The following NF1 variants were observed in gnomAD, a reference collection of about 807,000 sequenced individuals.
NF1 encodes the protein neurofibromin 1.
NF1 carries 122 observed loss-of-function variants against 325.7 expected under a neutral mutation model. The observed-to-expected ratio is 0.37, with a 90% CI of 0.32 to 0.44. NF1 has a LOEUF of 0.44. Among genes scored for constraint, NF1 ranks in the 20% least tolerant of loss-of-function variants. The pLI, the probability that NF1 is intolerant of heterozygous loss-of-function variation, is 1.00. For synonymous variants in NF1, 1,091 were observed against 1,186.0 expected (o/e 0.92, Z 1.65); for missense variants, 2,140 against 3,415.4 (o/e 0.63, Z 9.31).
intron 5 of NF1, among the ~76,000 whole-genome samples, chr17:31,174,191 TAAA>T (rs996037350): frequency 6.6e-6 from 1 of 152,182 alleles, no homozygotes; most frequent in Non-Finnish European, 1.5e-5. Flanking sequence ...ACAATAAACT[TAAA>T]GAAGAAGAAA....
chr17:31,208,123 G>T (rs975291300), intron 12 of NF1, among the ~76,000 whole-genome samples: 18 of 152,160 alleles, frequency 1.2e-4, no homozygotes, highest in Admixed American at 5.2e-4. Context: ...TTATTTTACC[G>T]AAAAGCCATA....
chr17:31,189,422 T>TA (rs2066300994), intron 8 of NF1, among the ~76,000 whole-genome samples: 1 of 152,214 alleles, frequency 6.6e-6, no homozygotes, highest in African/African-American at 2.4e-5. Flanking sequence ...TTTTGAAGTG[T>TA]AAAATTCAGC....
At chr17:31,235,503 T>C in intron 27 of NF1, 108 bp from the exon 28 acceptor site, 2 of 1,119,990 alleles carry the variant, frequency 1.8e-6, no homozygotes, top group South Asian at 1.2e-5. Flanking sequence ...TGCCTTAATT[T>C]AGCAAGTGGT....
intron 47 of NF1, 110 bp downstream of exon 47, chr17:31,340,755 A>G (rs974805494): frequency 8.9e-7 from 1 of 1,124,514 alleles, no homozygotes; most frequent in Non-Finnish European, 1.3e-6. Context: ...TTAAGTAGGA[A>G]TTTGTATAAT....
intron 2 of NF1, among the ~76,000 whole-genome samples, 185 bp downstream of exon 2, chr17:31,156,311 G>T (rs2065661844): frequency 6.6e-6 from 1 of 152,098 alleles, no homozygotes; most frequent in Non-Finnish European, 1.5e-5. Context: ...TTTTTAATCA[G>T]CTGGGTTTTA....
At chr17:31,104,414 G>T (rs1222003850) in intron 1 of NF1, among the ~76,000 whole-genome samples, 1 of 152,218 alleles carries the variant, frequency 6.6e-6, no homozygotes, top group Non-Finnish European at 1.5e-5. Flanking sequence ...TTAAGGAGGA[G>T]AATATTCTAT....
intron 38 of NF1, among the ~76,000 whole-genome samples, chr17:31,329,938 G>A (rs1233064291): frequency 6.6e-6 from 1 of 152,050 alleles, no homozygotes; most frequent in Admixed American, 6.6e-5. Flanking sequence ...AAAAATGTAT[G>A]GTGTGCCTTA....
chr17:31,354,411 G>A (rs1166132815), intron 51 of NF1, among the ~76,000 whole-genome samples: 1 of 152,176 alleles, frequency 6.6e-6, no homozygotes, highest in East Asian at 1.9e-4. Flanking sequence ...ATACATCATG[G>A]CATCATGGGG....
In NF1 at chr17:31,098,549, A is replaced by G. The variant is rs1911983972; in HGVS notation, c.60+3180A>G. ...CTGGATAACATTTGTTATTTTTAGT[A>G]GAGTGCTGAGATTACAGGCGTGAGC... is the stretch of plus-strand genomic sequence containing the variant. On this transcript the variant is annotated intron_variant, in intron 1 of 57. Coordinates refer to ENST00000358273, the MANE Select transcript of NF1 (RefSeq NM_001042492.3). 2.0e-5 allele frequency among the ~76,000 whole-genome samples: 3 copies of G among 152,058 alleles called. No homozygotes were observed. The South Asian group carries it at 6.2e-4, about 32-fold the overall frequency.
intron 8 of NF1, among the ~76,000 whole-genome samples, chr17:31,189,257 T>G (rs117654588): frequency 0.011 from 1,685 of 152,322 alleles, 13 homozygotes; most frequent in Non-Finnish European, 0.017. Flanking sequence ...TTTTAAACTT[T>G]ATGAGTTCTT....
At chr17:31,101,295 G>A (rs1365036457) in intron 1 of NF1, among the ~76,000 whole-genome samples, 7 of 152,058 alleles carry the variant, frequency 4.6e-5, no homozygotes, top group Non-Finnish European at 1.0e-4. Flanking sequence ...CTTTTCTACT[G>A]AATTGGAGTT....
chr17:31,236,938 A>G (rs1032529103), intron 29 of NF1, among the ~76,000 whole-genome samples: 1 of 152,142 alleles, frequency 6.6e-6, no homozygotes, highest in Non-Finnish European at 1.5e-5. Flanking sequence ...ATATCCTTCC[A>G]TGAATATTTA....
At chr17:31,301,665 GAA>G (rs2068576803) in intron 36 of NF1, among the ~76,000 whole-genome samples, 1 of 152,156 alleles carries the variant, frequency 6.6e-6, no homozygotes, top group Non-Finnish European at 1.5e-5. Context: ...CTATATTAGT[GAA>G]AAGAGTGTTG....
chr17:31,233,992 C>T (rs1433257510), intron 27 of NF1, among the ~76,000 whole-genome samples: 1 of 152,192 alleles, frequency 6.6e-6, no homozygotes, highest in Non-Finnish European at 1.5e-5. Flanking sequence ...TCTTGTTCAC[C>T]AGAGCCACAC....
Position 31,166,615 on chromosome 17 carries a change from C to CT in NF1, c.479+3245dup, listed in dbSNP as rs573867156. Reference sequence around the variant, plus strand: ...TTAGAAGGTAAACAGCTCTAGGTGACTTTTTTCACTTTATCCAAAGTTTAG... The same window carrying CT: ...TTAGAAGGTAAACAGCTCTAGGTGACTTTTTTTCACTTTATCCAAAGTTTAG... On this transcript the variant is annotated intron_variant, in intron 4 of 57. Transcript: ENST00000358273. Among the ~76,000 whole-genome samples the CT allele has an allele frequency of 2.6e-5, 4 of 152,140 alleles. No homozygotes were observed. In the South Asian group the frequency reaches 8.3e-4, roughly 32 times the overall value.
chr17:31,253,147 C>T, intron 31 of NF1, 147 bp downstream of exon 31: 3 of 661,982 alleles, frequency 4.5e-6, no homozygotes, highest in Non-Finnish European at 8.1e-6. Flanking sequence ...GCTTTCATTT[C>T]AATTAACCCT....
chr17:31,132,755 C>T (rs1014743898), intron 1 of NF1, among the ~76,000 whole-genome samples: 15 of 152,084 alleles, frequency 9.9e-5, no homozygotes, highest in African/African-American at 3.4e-4. Context: ...CAACATTTGC[C>T]TCCCGAGTTC....
In NF1 at chr17:31,096,560, C is replaced by T. The variant is rs116085965; in HGVS notation, c.60+1191C>T. Among the ~76,000 whole-genome samples, 715 of 152,084 alleles carry T rather than the reference C, an allele frequency of 4.7e-3. 7 individuals are homozygous for T. The highest frequency in any genetic ancestry group is 0.016 in the African/African-American group (683 of 41,478). ...TGCAGCTGTGGGTGCAGTGGGCTTC[C>T]TGTGATGGGGGAATTGTTTAAGATT... On this transcript the variant is annotated intron_variant, in intron 1 of 57. Transcript: ENST00000358273.
intron 29 of NF1, among the ~76,000 whole-genome samples, chr17:31,241,312 G>A (rs2067292616): frequency 6.6e-6 from 1 of 152,076 alleles, no homozygotes; most frequent in African/African-American, 2.4e-5. Context: ...TCACTCTTAC[G>A]TCTTTTGATT....
Sources: allele counts gnomAD v4.1 joint callset (sites outside exome capture counted in the v4.1 genomes callset), GRCh38; gene constraint gnomAD v4.1.1; transcripts MANE v1.5; gene names NCBI Gene and HGNC (gene_info 2026-07-23, HGNC 2026-07-21).